Variants in CEMIP observed in about 807,000 individuals in gnomAD.
CEMIP encodes the protein cell migration inducing hyaluronidase 1.
A neutral mutation model predicts 156.9 loss-of-function variants in CEMIP; 105 were observed. The observed-to-expected ratio is 0.67, with a 90% CI of 0.57 to 0.79. CEMIP has a LOEUF of 0.79. CEMIP is among the 30% of genes least tolerant of loss of function. The pLI, the probability that CEMIP is intolerant of heterozygous loss-of-function variation, is 0.00. For missense variants in CEMIP, 1,457 were observed against 1,769.4 expected, an observed-to-expected ratio of 0.82 and a Z score of 3.17; for synonymous variants, 676 against 668.4, an observed-to-expected ratio of 1.01 and a Z score of -0.17.
chr15:80,833,212 C>T lies in CEMIP; in HGVS notation c.-175-40326C>T, dbSNP rs566520401. ...AAACCAACATGCCAATCTCTCACTTCTCTTGGGAAATTCGGGGACCCAGCA... is the reference window on the plus strand; with the variant it reads ...AAACCAACATGCCAATCTCTCACTTTTCTTGGGAAATTCGGGGACCCAGCA... On this transcript the variant is annotated intron_variant, in intron 1 of 29. Coordinates refer to ENST00000394685, the MANE Select transcript of CEMIP (RefSeq NM_001293298.2). Among the ~76,000 whole-genome samples, 6 of 152,314 alleles carry T rather than the reference C, an allele frequency of 3.9e-5. No individual in the cohort carries two copies. The East Asian group carries it at 1.2e-3, about 29-fold the overall frequency.
intron 1 of CEMIP, among the ~76,000 whole-genome samples, chr15:80,851,652 ACAG>A (rs1350705963): frequency 2.0e-5 from 3 of 152,142 alleles, no homozygotes; most frequent in Non-Finnish European, 2.9e-5. Flanking sequence ...TCCAGCAGAA[ACAG>A]CAATGTGATA....
intron 18 of CEMIP, 36 bp downstream of exon 18, chr15:80,924,742 C>T: frequency 1.3e-6 from 2 of 1,559,324 alleles, no homozygotes; most frequent in Non-Finnish European, 1.8e-6. Flanking sequence ...TCCACGGTGA[C>T]CTTGCAGTCC....
intron 1 of CEMIP, among the ~76,000 whole-genome samples, chr15:80,857,708 C>T (rs1897887784): frequency 6.6e-6 from 1 of 152,208 alleles, no homozygotes; most frequent in African/African-American, 2.4e-5. Flanking sequence ...CTTGACCACA[C>T]TCTGAGTAGC....
At chr15:80,795,991 A>T (rs1035316817) in intron 1 of CEMIP, among the ~76,000 whole-genome samples, 3 of 152,234 alleles carry the variant, frequency 2.0e-5, no homozygotes, top group African/African-American at 4.8e-5. Flanking sequence ...CCTCTGATTC[A>T]TGTTGCAATT....
At chr15:80,806,187 GTTC>G (rs1896509581) in intron 1 of CEMIP, among the ~76,000 whole-genome samples, 1 of 152,234 alleles carries the variant, frequency 6.6e-6, no homozygotes, top group South Asian at 2.1e-4. Context: ...TGATGACTCA[GTTC>G]TTCTACCACT....
intron 29 of CEMIP, 44 bp from the exon 30 acceptor site, chr15:80,948,753 C>G: frequency 6.2e-7 from 1 of 1,613,510 alleles, no homozygotes; most frequent in South Asian, 1.1e-5. Flanking sequence ...GGCAGCCGTC[C>G]TCTCATAGGG....
chr15:80,829,330 A>G (rs1284223728), intron 1 of CEMIP, among the ~76,000 whole-genome samples: 2 of 152,170 alleles, frequency 1.3e-5, no homozygotes, highest in African/African-American at 2.4e-5. Flanking sequence ...CCTGATCCTC[A>G]TTCAGCTGCT....
intron 1 of CEMIP, among the ~76,000 whole-genome samples, chr15:80,817,329 C>CT (rs1269180875): frequency 1.5e-4 from 23 of 152,024 alleles, no homozygotes; most frequent in Admixed American, 7.2e-4. Context: ...TGGCTCACAC[C>CT]TGTAGTCCCA....
chr15:80,942,181 G>C (rs1394423041), intron 26 of CEMIP, 70 bp from the exon 27 acceptor site: 70 of 1,491,624 alleles, frequency 4.7e-5, no homozygotes, highest in Non-Finnish European at 5.9e-5. Flanking sequence ...CCTGTGACTG[G>C]GGATACGGGA....
chr15:80,898,549 G>A (rs924162125), intron 12 of CEMIP, among the ~76,000 whole-genome samples: 1 of 152,134 alleles, frequency 6.6e-6, no homozygotes, highest in Non-Finnish European at 1.5e-5. Flanking sequence ...TGTAGTGAGA[G>A]GGAAACAAAC....
intron 1 of CEMIP, among the ~76,000 whole-genome samples, chr15:80,837,879 G>T (rs1428950424): frequency 6.6e-6 from 1 of 152,206 alleles, no homozygotes; most frequent in Admixed American, 6.5e-5. Flanking sequence ...TACCACCCCT[G>T]CACAGACTGG....
At chr15:80,804,541 C>A (rs2141610544) in intron 1 of CEMIP, among the ~76,000 whole-genome samples, 1 of 152,310 alleles carries the variant, frequency 6.6e-6, no homozygotes, top group South Asian at 2.1e-4. Flanking sequence ...TTGGACTGGA[C>A]TGGCTCTAGG....
intron 1 of CEMIP, among the ~76,000 whole-genome samples, chr15:80,790,054 T>A (rs940242048): frequency 6.6e-6 from 1 of 152,146 alleles, no homozygotes; most frequent in South Asian, 2.1e-4. Context: ...GGATACGTGG[T>A]GCAGAAGTCT....
chr15:80,896,394 G>A (rs1899225759), intron 12 of CEMIP: 1 of 506,286 alleles, frequency 2.0e-6, no homozygotes, highest in South Asian at 1.5e-5. Context: ...AACTCTTAAG[G>A]CCTAGGCTCA....
At chr15:80,857,130 C>T (rs1476754909) in intron 1 of CEMIP, among the ~76,000 whole-genome samples, 1 of 152,222 alleles carries the variant, frequency 6.6e-6, no homozygotes, top group Non-Finnish European at 1.5e-5. Flanking sequence ...TCTGGCTGGG[C>T]AGAGGGAGGA....
chr15:80,928,849 A>C, intron 19 of CEMIP, 53 bp from the exon 20 acceptor site: 2 of 1,611,012 alleles, frequency 1.2e-6, no homozygotes, highest in Non-Finnish European at 1.7e-6. Context: ...CCACGACTCC[A>C]CTGAATGTGA....
At chr15:80,838,337 G>A (rs62035080) in intron 1 of CEMIP, among the ~76,000 whole-genome samples, 5,801 of 152,040 alleles carry the variant, frequency 0.038, 166 homozygotes, top group Middle Eastern at 0.075. Context: ...TCTCCTTGGC[G>A]CTGCCTCCAG....
chr15:80,898,937 G>A (rs553808964), intron 12 of CEMIP, among the ~76,000 whole-genome samples: 85 of 152,156 alleles, frequency 5.6e-4, no homozygotes, highest in African/African-American at 1.9e-3. Flanking sequence ...CATACAGGCC[G>A]GGCGCGGTGG....
chr15:80,859,046 G>A (rs1897922161), intron 1 of CEMIP, among the ~76,000 whole-genome samples: 1 of 152,228 alleles, frequency 6.6e-6, no homozygotes, highest in Non-Finnish European at 1.5e-5. Context: ...ACAGTGGGAT[G>A]AGATCCAGCT....
Sources: allele counts gnomAD v4.1 joint callset (sites outside exome capture counted in the v4.1 genomes callset), GRCh38; gene constraint gnomAD v4.1.1; transcripts MANE v1.5; gene names NCBI Gene and HGNC (gene_info 2026-07-23, HGNC 2026-07-21).